Variants in TMEM181 observed in about 807,000 individuals in gnomAD.
TMEM181 encodes the protein G protein-coupled receptor 178.
TMEM181 carries 39 observed loss-of-function variants against 71.9 expected under a neutral mutation model. The observed-to-expected ratio is 0.54, with a 90% CI of 0.42 to 0.71. The LOEUF is 0.71. Ranked by LOEUF, TMEM181 falls within the 30% of genes least tolerant of loss-of-function variation. TMEM181 has a pLI of 0.00. For missense variants in TMEM181, 595 were observed against 583.0 expected (o/e 1.02, Z -0.21); for synonymous variants, 245 against 228.8 (o/e 1.07, Z -0.64).
At chr6:158,554,752 C>T (rs1190383337) in intron 1 of TMEM181, among the ~76,000 whole-genome samples, 1 of 152,140 alleles carries the variant, frequency 6.6e-6, no homozygotes, top group Non-Finnish European at 1.5e-5. Context: ...TGCACCGAAA[C>T]AAATATCCAC....
At chr6:158,626,656 C>CA (rs1471649500) in intron 13 of TMEM181, 31 of 457,332 alleles carry the variant, frequency 6.8e-5, no homozygotes, top group African/African-American at 4.2e-4. Context: ...CATCAAAAGT[C>CA]ACTCAGAATA....
intron 6 of TMEM181, among the ~76,000 whole-genome samples, chr6:158,594,602 T>G (rs1015889394): frequency 3.0e-4 from 46 of 152,364 alleles, no homozygotes; most frequent in African/African-American, 9.1e-4. Flanking sequence ...ACATCTTGGT[T>G]GTTTTTAAGT....
Position 158,591,873 on chromosome 6 carries a change from T to G in TMEM181, c.492+2091T>G, listed in dbSNP as rs555156706. 1.8e-4 allele frequency among the ~76,000 whole-genome samples: 27 copies of G among 152,282 alleles called. 1 individual carries two copies. In the South Asian group the frequency reaches 5.0e-3, roughly 28 times the overall value. ...CATCTTTTGTATCTATGTTTCCTCT[T>G]AAAGTTGTTCCTGAAGAATTTGGTA... On this transcript the variant is annotated intron_variant, in intron 6 of 16. Transcript: ENST00000684151.
At chr6:158,585,255 T>C (rs1783701482) in intron 4 of TMEM181, 49 bp from the exon 5 acceptor site, 1 of 1,526,324 alleles carries the variant, frequency 6.6e-7, no homozygotes, top group Non-Finnish European at 8.8e-7. Context: ...CCTTTGTAGG[T>C]GTGATGTGCC....
intron 1 of TMEM181, among the ~76,000 whole-genome samples, chr6:158,564,158 C>T (rs1414783629): frequency 2.6e-5 from 4 of 152,186 alleles, no homozygotes; most frequent in African/African-American, 9.7e-5. Context: ...TATCCTGCTC[C>T]CTTTGAGAAG....
At chr6:158,545,639 T>C (rs544199191) in intron 1 of TMEM181, among the ~76,000 whole-genome samples, 7 of 151,834 alleles carry the variant, frequency 4.6e-5, no homozygotes, top group African/African-American at 1.7e-4. Flanking sequence ...GGGGCATGGC[T>C]GCACTCTTTC....
upstream of TMEM181, chr6:158,559,971 G>GC (rs1033799274): frequency 1.2e-6 from 1 of 854,896 alleles, no homozygotes; most frequent in African/African-American, 1.8e-5. Context: ...CCCCGGCACG[G>GC]GGCCACGAAG....
intron 1 of TMEM181, chr6:158,572,555 T>A (rs1304691342): frequency 2.0e-5 from 9 of 449,204 alleles, no homozygotes; most frequent in Non-Finnish European, 4.0e-5. Context: ...GCCATGCTCG[T>A]GCGTCCTGTG....
intron 1 of TMEM181, among the ~76,000 whole-genome samples, chr6:158,568,704 G>T (rs754237327): frequency 1.2e-4 from 19 of 152,196 alleles, no homozygotes; most frequent in Non-Finnish European, 2.2e-4. Flanking sequence ...AGCATTTTCA[G>T]CAGGAGGCAG....
chr6:158,551,683 C>G (rs547316915), intron 1 of TMEM181, among the ~76,000 whole-genome samples: 105 of 152,218 alleles, frequency 6.9e-4, no homozygotes, highest in Middle Eastern at 3.4e-3. Context: ...ACATCAATAA[C>G]ATATCTCTAA....
chr6:158,597,499 CAGCT>C (rs1784443798), intron 6 of TMEM181, among the ~76,000 whole-genome samples: 1 of 151,910 alleles, frequency 6.6e-6, no homozygotes, highest in African/African-American at 2.4e-5. Flanking sequence ...AAGGAGGCCT[CAGCT>C]AGCCCCCCCT....
intron 11 of TMEM181, 106 bp downstream of exon 11, chr6:158,623,713 T>C: frequency 1.3e-6 from 1 of 772,586 alleles, no homozygotes; most frequent in South Asian, 2.1e-5. Flanking sequence ...GCTAACTGAC[T>C]ACTTGGGAAG....
chr6:158,557,713 C>T (rs973420042), upstream of TMEM181, among the ~76,000 whole-genome samples: 4 of 152,072 alleles, frequency 2.6e-5, no homozygotes, highest in African/African-American at 9.7e-5. Context: ...AGATGGATTT[C>T]GCCATATTGG....
At chr6:158,555,379 CTAAAT>C (rs1353929072), upstream of TMEM181, among the ~76,000 whole-genome samples, 4 of 152,140 alleles carry the variant, frequency 2.6e-5, no homozygotes, top group Non-Finnish European at 4.4e-5. Context: ...TCAGGCAAAA[CTAAAT>C]TAACCTTAAA....
chr6:158,552,127 T>C (rs1199720900), intron 1 of TMEM181, among the ~76,000 whole-genome samples: 1 of 152,218 alleles, frequency 6.6e-6, no homozygotes, highest in Non-Finnish European at 1.5e-5. Context: ...TTAAAAAGCT[T>C]AACCCTTTTA....
chr6:158,620,151 A>G lies in TMEM181; in HGVS notation c.897-3399A>G, dbSNP rs2128325649. On this transcript the variant is annotated intron_variant, in intron 10 of 16. Transcript: ENST00000684151. The surrounding 1 kb of genome is among the most constrained non-coding windows in gnomAD (Gnocchi z 4.5). ...AGTTTGGCGAGGTTGTGAAGGAGACAGCCCAGAGGGGAGGCGTGGGAATGT... is the reference window on the plus strand; with the variant it reads ...AGTTTGGCGAGGTTGTGAAGGAGACGGCCCAGAGGGGAGGCGTGGGAATGT... 6.6e-6 allele frequency among the ~76,000 whole-genome samples: 1 copy of G among 152,324 alleles called. No homozygotes were observed. The highest frequency in any genetic ancestry group is 1.5e-5 in the Non-Finnish European group (1 of 68,032).
At position 158,620,698 on chromosome 6, in the gene TMEM181, A is replaced by G. The variant is rs1297673947; in HGVS notation, c.897-2852A>G. Among the ~76,000 whole-genome samples, 1 of 151,816 alleles carries G rather than the reference A, an allele frequency of 6.6e-6. No individual in the cohort carries two copies. The highest frequency in any genetic ancestry group is 1.5e-5 in the Non-Finnish European group (1 of 67,910). ...AATTGCTGGAAGAGTGAAGTGAGAG[A>G]AAAGATGGGGTGCATGGCCAGAGAC... On this transcript the variant is annotated intron_variant, in intron 10 of 16. Transcript: ENST00000684151. This position sits in a 1 kb window ranked among gnomAD's most constrained non-coding sequence, Gnocchi z 4.5.
chr6:158,569,242 T>G (rs1363840080), intron 1 of TMEM181, among the ~76,000 whole-genome samples: 1 of 152,214 alleles, frequency 6.6e-6, no homozygotes, highest in Non-Finnish European at 1.5e-5. Flanking sequence ...CCTTGGCCCA[T>G]GATAGCCCTG....
chr6:158,551,020 G>T (rs899240604), intron 1 of TMEM181, among the ~76,000 whole-genome samples: 3 of 150,256 alleles, frequency 2.0e-5, no homozygotes, highest in African/African-American at 7.4e-5. Flanking sequence ...GAGTGCAGTG[G>T]TGCAATCTCG....
Sources: gnomAD v4.1 joint callset for allele counts (sites outside exome capture counted in the v4.1 genomes callset) on GRCh38, gnomAD v4.1.1 for gene constraint, Gnocchi (gnomAD v3.1) non-coding constraint, MANE v1.5 for transcripts, NCBI Gene and HGNC (gene_info 2026-07-23, HGNC 2026-07-21) for gene names.